Variants in CELSR1 observed in about 807,000 individuals in gnomAD.
CELSR1 encodes adhesion G protein-coupled receptor C1.
A neutral mutation model predicts 249.1 loss-of-function variants in CELSR1; 110 were observed. The ratio of observed to expected loss-of-function variants is 0.44; its 90% CI spans 0.38 to 0.52. The LOEUF is 0.52. Ranked by LOEUF, CELSR1 falls within the 20% of genes least tolerant of loss-of-function variation. The pLI, the probability that CELSR1 is intolerant of heterozygous loss-of-function variation, is 0.00. For synonymous variants in CELSR1, 2,113 were observed against 1,900.0 expected, an observed-to-expected ratio of 1.11 and a Z score of -2.92; for missense variants, 4,109 against 4,296.4, an observed-to-expected ratio of 0.96 and a Z score of 1.22.
intron 1 of CELSR1, among the ~76,000 whole-genome samples, chr22:46,504,422 G>A (rs1462936550): frequency 1.3e-5 from 2 of 150,972 alleles, no homozygotes; most frequent in South Asian, 4.2e-4. Flanking sequence ...GCCGAGGCAG[G>A]AGAATCGCTT....
rs376816483 is a variant in CELSR1 at position 46,365,392 on chromosome 22, C to A, written c.8405-12G>T. On this transcript the variant is annotated splice_polypyrimidine_tract_variant and intron_variant, in intron 31 of 34. Coordinates refer to ENST00000674500, the MANE Select transcript of CELSR1 (RefSeq NM_001378328.1). ...GTCGGAATCGTGGCCTGTGGATGCG[C>A]GGGGGACAGGGAGGCTCAGGCCCTG... The A allele has an allele frequency of 1.2e-6, 2 of 1,612,046 alleles. No homozygotes were observed. Among genetic ancestry groups the A allele is most frequent in the African/African-American group, 2.7e-5 (2 of 75,046 alleles).
intron 28 of CELSR1, 45 bp downstream of exon 28, chr22:46,367,684 C>A (rs373356280): frequency 1.3e-6 from 2 of 1,563,892 alleles, no homozygotes; most frequent in South Asian, 2.4e-5. Flanking sequence ...GATGGTGTCA[C>A]GGCGGCCAGG....
intron 2 of CELSR1, among the ~76,000 whole-genome samples, chr22:46,459,921 A>G (rs531079036): frequency 6.6e-6 from 1 of 152,162 alleles, no homozygotes; most frequent in African/African-American, 2.4e-5. Context: ...ATTAGCTACA[A>G]TCCGGCCAGG....
chr22:46,434,996 CAA>C lies in CELSR1; in HGVS notation c.4522+1176_4522+1177del, dbSNP rs1299845101. Among the ~76,000 whole-genome samples, 1 of 150,404 alleles carries C rather than the reference CAA, an allele frequency of 6.6e-6. No homozygotes were observed. Among genetic ancestry groups the C allele is most frequent in the Non-Finnish European group, 1.5e-5 (1 of 67,746 alleles). On this transcript the variant is annotated intron_variant, in intron 4 of 34. Coordinates refer to ENST00000674500, the MANE Select transcript of CELSR1 (RefSeq NM_001378328.1). This position sits in a 1 kb window ranked among gnomAD's most constrained non-coding sequence, Gnocchi z 4.9. ...TGGGTGAAAGAGTAAGACTTTGTCTCAAAAGAAGAACAAAAACAAAAAAAAAA... is the reference window on the plus strand; with the variant it reads ...TGGGTGAAAGAGTAAGACTTTGTCTCAAGAAGAACAAAAACAAAAAAAAAA...
intron 2 of CELSR1, among the ~76,000 whole-genome samples, chr22:46,451,345 G>A (rs981420517): frequency 6.6e-6 from 1 of 152,202 alleles, no homozygotes; most frequent in African/African-American, 2.4e-5. Flanking sequence ...TTCTCTGCGT[G>A]ACTGCATTAG....
In CELSR1 at chr22:46,486,711, C is replaced by T. The variant is rs534599291; in HGVS notation, c.3545-22366G>A. Among the ~76,000 whole-genome samples, 4 of 151,688 alleles carry T rather than the reference C, an allele frequency of 2.6e-5. No individual in the cohort carries two copies. The South Asian group carries it at 6.2e-4, about 24-fold the overall frequency. The stretch of plus-strand genomic sequence containing the variant: ...TACAAAAATTAGCCGGGCGTAGTGG[C>T]GCACACCTGCAATTCCAGCTACTCG... On this transcript the variant is annotated intron_variant, in intron 1 of 34. Coordinates refer to ENST00000674500, the MANE Select transcript of CELSR1 (RefSeq NM_001378328.1).
intron 20 of CELSR1, among the ~76,000 whole-genome samples, chr22:46,382,506 G>A (rs901500234): frequency 6.6e-6 from 1 of 152,118 alleles, no homozygotes; most frequent in Non-Finnish European, 1.5e-5. Flanking sequence ...TCGATCTCCT[G>A]ACCTCATGAT....
chr22:46,410,617 G>T lies in CELSR1; in HGVS notation c.4770-56C>A. On this transcript the variant is annotated intron_variant, in intron 6 of 34. Transcript: ENST00000674500. This position sits in a 1 kb window ranked among gnomAD's most constrained non-coding sequence, Gnocchi z 6.8. ...CAGGGCGGGGAGAGGCGGCCACGGC[G>T]GGCTGGGCTCCGCAGTTGCCTCTGT... The T allele has an allele frequency of 6.3e-7, 1 of 1,584,144 alleles. No individual in the cohort carries two copies. Among genetic ancestry groups the T allele is most frequent in the African/African-American group, 1.3e-5 (1 of 74,362 alleles).
chr22:46,422,766 C>CAAAAAAAAAA (rs372904848), intron 5 of CELSR1, among the ~76,000 whole-genome samples: 4 of 99,330 alleles, frequency 4.0e-5, no homozygotes, highest in Non-Finnish European at 6.1e-5. Context: ...GACTCCATCT[C>CAAAAAAAAAA]AAAAAAAAAA....
rs140216352 is a variant in CELSR1 at position 46,459,846 on chromosome 22, G to A, written c.4183+3861C>T. Among the ~76,000 whole-genome samples the A allele has an allele frequency of 6.3e-3, 960 of 152,260 alleles. 9 individuals are homozygous for A. Among genetic ancestry groups the A allele is most frequent in the African/African-American group, 0.022 (903 of 41,554 alleles). ...TGGGATCATAGAGCTGCCTCGAGAA[G>A]TCAATGAGAAAATACGTGTAGAATC... On this transcript the variant is annotated intron_variant, in intron 2 of 34. Coordinates refer to ENST00000674500, the MANE Select transcript of CELSR1 (RefSeq NM_001378328.1).
In CELSR1 at chr22:46,380,961, G is replaced by A. The variant is rs553739692; in HGVS notation, c.7089-6C>T. 7.4e-6 allele frequency: 12 copies of A among 1,611,010 alleles called. 1 individual carries two copies. The highest frequency in any genetic ancestry group is 6.6e-5 in the South Asian group (6 of 91,012). ...TGATGGGCCGGTGAGGCAACCTGAG[G>A]TCAAGAAGCCAGAGCATGGGGACAA... On this transcript the variant is annotated splice_polypyrimidine_tract_variant and splice_region_variant and intron_variant, in intron 21 of 34. Coordinates refer to ENST00000674500, the MANE Select transcript of CELSR1 (RefSeq NM_001378328.1). This position sits in a 1 kb window ranked among gnomAD's most constrained non-coding sequence, Gnocchi z 5.1.
chr22:46,536,970 C>T lies in CELSR1; in HGVS notation c.201G>A (p.Val67=). 1.7e-6 allele frequency: 2 copies of T among 1,142,966 alleles called. No individual in the cohort carries two copies. The highest frequency in any genetic ancestry group is 1.1e-6 in the Non-Finnish European group (1 of 933,312). 70.8% of individuals were successfully genotyped at this position (1,142,966 alleles called of 1,614,324 possible). A position where few individuals can be genotyped will look rare whatever the true frequency, so the allele number is the denominator to read the frequency against. The change falls in exon 1 of 35, where the codon GTG becomes GTA. Residue 67 remains valine (V), a synonymous_variant. Coordinates refer to ENST00000674500, the MANE Select transcript of CELSR1 (RefSeq NM_001378328.1). The part of the protein sequence containing the change: ...TPRAPRELLD[V]GRDGRLAGRR... ...GTCCTGCCAGCCGCCCATCGCGGCC[C>T]ACGTCCAGCAGCTCCCGCGGCGCCC...
intron 2 of CELSR1, among the ~76,000 whole-genome samples, chr22:46,455,418 C>T (rs573604132): frequency 1.9e-4 from 29 of 152,218 alleles, no homozygotes; most frequent in African/African-American, 6.5e-4. Flanking sequence ...TTAGTACAGA[C>T]GGTGTTTCAC....
Position 46,512,883 on chromosome 22 carries a change from C to A in CELSR1, c.3544+20744G>T, listed in dbSNP as rs1472197631. On this transcript the variant is annotated intron_variant, in intron 1 of 34. Transcript: ENST00000674500. The surrounding 1 kb of genome is among the most constrained non-coding windows in gnomAD (Gnocchi z 5.2). ...CTTGTCCCCCACAGCACCTGGCTGT[C>A]CTCTGCTCCTGAGTGCTGCCCCGGG... Among the ~76,000 whole-genome samples, 1 of 152,234 alleles carries A rather than the reference C, an allele frequency of 6.6e-6. No homozygotes were observed. Among genetic ancestry groups the A allele is most frequent in the Non-Finnish European group, 1.5e-5 (1 of 68,030 alleles).
chr22:46,486,677 T>C (rs1292634953), intron 1 of CELSR1, among the ~76,000 whole-genome samples: 1 of 152,034 alleles, frequency 6.6e-6, no homozygotes, highest in Non-Finnish European at 1.5e-5. Flanking sequence ...ACCCCCTCTC[T>C]ACTAAAAATA....
At chr22:46,511,288 C>T (rs2080571038) in intron 1 of CELSR1, among the ~76,000 whole-genome samples, 1 of 152,204 alleles carries the variant, frequency 6.6e-6, no homozygotes, top group East Asian at 1.9e-4. Flanking sequence ...CACCTGGAGA[C>T]TCCCTGAGAA....
chr22:46,447,338 C>G lies in CELSR1; in HGVS notation c.4184-7927G>C, dbSNP rs2079832371. Among the ~76,000 whole-genome samples, 1 of 152,120 alleles carries G rather than the reference C, an allele frequency of 6.6e-6. No individual in the cohort carries two copies. The highest frequency in any genetic ancestry group is 1.5e-5 in the Non-Finnish European group (1 of 68,034). The stretch of plus-strand genomic sequence containing the variant: ...TAAAATAAATGTTCAGCTATGCTGA[C>G]TATCAGGATTTATCTTTCCTTTTCT... On this transcript the variant is annotated intron_variant, in intron 2 of 34. Coordinates refer to ENST00000674500, the MANE Select transcript of CELSR1 (RefSeq NM_001378328.1). This position sits in a 1 kb window ranked among gnomAD's most constrained non-coding sequence, Gnocchi z 4.7.
Position 46,390,697 on chromosome 22 carries a change from A to C in CELSR1, c.6251-211T>G, listed in dbSNP as rs112422104. Among the ~76,000 whole-genome samples, 2,572 of 152,276 alleles carry C rather than the reference A, an allele frequency of 0.017. 66 individuals are homozygous for C. Among genetic ancestry groups the C allele is most frequent in the African/African-American group, 0.055 (2,290 of 41,542 alleles). ...GACACTGACAACCAGGCGTTTCGGG[A>C]GCCCAGCCAACAGGAGCCAGCACTT... On this transcript the variant is annotated intron_variant, in intron 16 of 34. Transcript: ENST00000674500. This position sits in a 1 kb window ranked among gnomAD's most constrained non-coding sequence, Gnocchi z 6.3.
At chr22:46,511,207 A>G (rs565482452) in intron 1 of CELSR1, among the ~76,000 whole-genome samples, 2 of 152,044 alleles carry the variant, frequency 1.3e-5, no homozygotes, top group Admixed American at 6.6e-5. Context: ...TTGTTTTTAC[A>G]TAGAAGATGG....
Sources: allele counts gnomAD v4.1 joint callset (sites outside exome capture counted in the v4.1 genomes callset), GRCh38; gene constraint gnomAD v4.1.1; non-coding constraint Gnocchi (gnomAD v3.1); transcripts MANE v1.5; gene names NCBI Gene and HGNC (gene_info 2026-07-23, HGNC 2026-07-21).